Variants in HPSE2 observed in about 807,000 individuals in gnomAD.
HPSE2 encodes the protein inactive heparanase-2.
In HPSE2, 38 loss-of-function variants were observed where a neutral mutation model predicts 60.5. The observed-to-expected ratio is 0.63, with a 90% CI of 0.48 to 0.82. The LOEUF (loss-of-function observed/expected upper bound fraction) is 0.82, where lower values mean the gene tolerates loss of function less well. HPSE2 is among the 40% of genes least tolerant of loss of function. The pLI is 0.00. For synonymous variants in HPSE2, 295 were observed against 293.2 expected, an observed-to-expected ratio of 1.01 and a Z score of -0.06; for missense variants, 713 against 740.4, an observed-to-expected ratio of 0.96 and a Z score of 0.43.
chr10:99,068,603 G>T lies in HPSE2; in HGVS notation c.610+75635C>A, dbSNP rs545323729. Among the ~76,000 whole-genome samples the T allele has an allele frequency of 9.8e-5, 15 of 152,290 alleles. No individual in the cohort carries two copies. In the South Asian group the frequency reaches 2.9e-3, roughly 29 times the overall value. ...ATTATTACAATTCAAGGTCAGATTTGTGTAGGGATACAGCTGAACCATATC... is the reference window on the plus strand; with the variant it reads ...ATTATTACAATTCAAGGTCAGATTTTTGTAGGGATACAGCTGAACCATATC... On this transcript the variant is annotated intron_variant, in intron 3 of 11. Coordinates refer to ENST00000370552, the MANE Select transcript of HPSE2 (RefSeq NM_021828.5).
intron 2 of HPSE2, among the ~76,000 whole-genome samples, chr10:99,162,937 C>T (rs533281872): frequency 2.0e-5 from 3 of 152,246 alleles, no homozygotes; most frequent in Non-Finnish European, 4.4e-5. Flanking sequence ...TGGCCAGGCG[C>T]GGTGGCTCAC....
intron 7 of HPSE2, among the ~76,000 whole-genome samples, chr10:98,634,777 C>T (rs189348021): frequency 2.6e-4 from 39 of 152,118 alleles, no homozygotes; most frequent in Admixed American, 1.2e-3. Flanking sequence ...GCAATGATAA[C>T]AAATGAATAA....
At chr10:99,202,205 T>C (rs1564890572) in intron 2 of HPSE2, among the ~76,000 whole-genome samples, 1 of 152,210 alleles carries the variant, frequency 6.6e-6, no homozygotes, top group Non-Finnish European at 1.5e-5. Flanking sequence ...CACCATGATA[T>C]ACTCAAGAGC....
chr10:98,549,624 C>G (rs1320895606), intron 9 of HPSE2, among the ~76,000 whole-genome samples: 1 of 152,206 alleles, frequency 6.6e-6, no homozygotes, highest in Non-Finnish European at 1.5e-5. Context: ...TTGTTTCTAT[C>G]TAATCAATTT....
chr10:99,147,049 T>C (rs932242712), intron 2 of HPSE2, among the ~76,000 whole-genome samples: 1 of 152,182 alleles, frequency 6.6e-6, no homozygotes, highest in East Asian at 1.9e-4. Flanking sequence ...TAGTTAACTG[T>C]TTTTAAAATT....
intron 2 of HPSE2, among the ~76,000 whole-genome samples, chr10:99,166,975 CTTTCTTTT>C (rs985547239): frequency 3.3e-5 from 5 of 151,280 alleles, no homozygotes; most frequent in Non-Finnish European, 7.4e-5. Flanking sequence ...ATGGATCATA[CTTTCTTTT>C]TTTCTTTTTT....
rs1221935277 is a variant in HPSE2 at position 98,641,808 on chromosome 10, C to A, written c.1098+39G>T. ...TGTGTCTTTTTCCTTGTCTTACCCCCAGAATCGCTCCTTTTCTTCCCAGGA... is the reference window on the plus strand; with the variant it reads ...TGTGTCTTTTTCCTTGTCTTACCCCAAGAATCGCTCCTTTTCTTCCCAGGA... On this transcript the variant is annotated intron_variant, in intron 7 of 11. Coordinates refer to ENST00000370552, the MANE Select transcript of HPSE2 (RefSeq NM_021828.5). 4 of 1,448,222 alleles carry A rather than the reference C, an allele frequency of 2.8e-6. No individual in the cohort carries two copies. The African/African-American group carries it at 5.6e-5, about 20-fold the overall frequency. 89.7% of individuals were successfully genotyped at this position (1,448,222 alleles called of 1,614,324 possible).
intron 3 of HPSE2, among the ~76,000 whole-genome samples, chr10:98,862,195 A>G (rs1430326560): frequency 6.6e-6 from 1 of 152,158 alleles, no homozygotes. Context: ...CCTCAGGGGC[A>G]CTGGAATCAG....
rs534676213 is a variant in HPSE2 at position 98,819,220 on chromosome 10, C to T, written c.611-75164G>A. Among the ~76,000 whole-genome samples the T allele has an allele frequency of 4.8e-4, 31 of 65,260 alleles. No individual in the cohort carries two copies. The East Asian group carries it at 7.3e-3, about 15-fold the overall frequency. 42.8% of individuals were successfully genotyped at this position (65,260 alleles called of 152,430 possible). ...ATCTTGTCTCTTAATCATTTGGGTG[C>T]AACCCCTGTCATGATCAGAAAGGAG... On this transcript the variant is annotated intron_variant, in intron 3 of 11. Coordinates refer to ENST00000370552, the MANE Select transcript of HPSE2 (RefSeq NM_021828.5).
intron 3 of HPSE2, among the ~76,000 whole-genome samples, chr10:99,040,941 G>A (rs1354502498): frequency 6.6e-6 from 1 of 151,998 alleles, no homozygotes; most frequent in Non-Finnish European, 1.5e-5. Context: ...AAAAAAATTA[G>A]CCAGGTGTGG....
In HPSE2 at chr10:98,557,961, A is replaced by G. The variant is rs57237850; in HGVS notation, c.1320+56943T>C. 4.1e-3 allele frequency among the ~76,000 whole-genome samples: 627 copies of G among 152,312 alleles called. 4 individuals carry two copies. Among genetic ancestry groups the G allele is most frequent in the African/African-American group, 0.014 (595 of 41,568 alleles). ...AGAATATATAAAGAAAAGGACAGAC[A>G]GTTTGATAGAAAAATGAATAAAACC... On this transcript the variant is annotated intron_variant, in intron 9 of 11. Coordinates refer to ENST00000370552, the MANE Select transcript of HPSE2 (RefSeq NM_021828.5).
chr10:99,305,890 T>C, the HPSE2 span, among the ~76,000 whole-genome samples: 2 of 151,340 alleles, frequency 1.3e-5, no homozygotes, highest in Non-Finnish European at 2.9e-5. Context: ...TGTGTAAAAA[T>C]AGATTGACCT....
intron 2 of HPSE2, among the ~76,000 whole-genome samples, chr10:99,157,307 C>A (rs1846613192): frequency 9.1e-5 from 6 of 66,206 alleles, no homozygotes; most frequent in African/African-American, 3.1e-4. Context: ...AATCCTAAGC[C>A]AAAAGAACAA....
intron 2 of HPSE2, among the ~76,000 whole-genome samples, chr10:99,185,523 C>T (rs1847970951): frequency 6.6e-6 from 1 of 151,998 alleles, no homozygotes; most frequent in Non-Finnish European, 1.5e-5. Context: ...GCCTGTAATT[C>T]CAGCATTTTG....
In HPSE2 at chr10:99,029,456, A is replaced by G. The variant is rs543893378; in HGVS notation, c.610+114782T>C. Among the ~76,000 whole-genome samples the G allele has an allele frequency of 6.8e-4, 104 of 152,256 alleles. 1 individual carries two copies. The highest frequency in any genetic ancestry group is 2.5e-3 in the African/African-American group (102 of 41,560). On this transcript the variant is annotated intron_variant, in intron 3 of 11. Coordinates refer to ENST00000370552, the MANE Select transcript of HPSE2 (RefSeq NM_021828.5). ...TGCGCAGAGACCGGTAGTGGCCCCA[A>G]ATGTCTGGCTGCGCTGTTATTTATT... is the stretch of plus-strand genomic sequence containing the variant.
intron 2 of HPSE2, among the ~76,000 whole-genome samples, chr10:99,188,707 A>G (rs1018735133): frequency 2.0e-5 from 3 of 152,224 alleles, no homozygotes; most frequent in African/African-American, 7.2e-5. Flanking sequence ...GTAGGACTCA[A>G]ATAGGACTTG....
rs1465466786 is a variant in HPSE2, at chr10:98,937,167, C to T, written c.611-193111G>A. On this transcript the variant is annotated intron_variant, in intron 3 of 11. Coordinates refer to ENST00000370552, the MANE Select transcript of HPSE2 (RefSeq NM_021828.5). The stretch of plus-strand genomic sequence containing the variant: ...TCCCAGCGTTAAGCGACACAGAACA[C>T]GGGTGATTTCTGCATTTCCATCTGA... Among the ~76,000 whole-genome samples the T allele has an allele frequency of 9.7e-5, 14 of 143,752 alleles. 4 individuals are homozygous for T. The highest frequency in any genetic ancestry group is 2.8e-4 in the African/African-American group (10 of 35,332). The allele number at this position is 143,752 out of a possible 152,430, so 94.3% of individuals were successfully genotyped here. A position where few individuals can be genotyped will look rare whatever the true frequency, so the allele number is the denominator to read the frequency against.
At chr10:98,699,277 A>C (rs2134186824) in intron 5 of HPSE2, among the ~76,000 whole-genome samples, 1 of 152,078 alleles carries the variant, frequency 6.6e-6, no homozygotes, top group East Asian at 1.9e-4. Flanking sequence ...GCAGCACATC[A>C]AAAAGCTTAT....
At chr10:99,304,517 G>A in the HPSE2 span, among the ~76,000 whole-genome samples, 42 of 152,298 alleles carry the variant, frequency 2.8e-4, no homozygotes, top group African/African-American at 9.4e-4. Context: ...AGCCAAGAAC[G>A]CTTGTGGGCT....
Sources: gnomAD v4.1 joint callset for allele counts (sites outside exome capture counted in the v4.1 genomes callset) on GRCh38, gnomAD v4.1.1 for gene constraint, MANE v1.5 for transcripts, NCBI Gene and HGNC (gene_info 2026-07-23, HGNC 2026-07-21) for gene names.